The following MYO1D variants were observed in gnomAD, a reference collection of about 807,000 sequenced individuals.
MYO1D encodes the protein unconventional myosin-Id.
In MYO1D, 83 loss-of-function variants were observed where a neutral mutation model predicts 122.0. The observed-to-expected ratio is 0.68, with a 90% confidence interval of 0.57 to 0.82. MYO1D has a LOEUF of 0.82. Ranked by LOEUF, MYO1D falls within the 40% of genes least tolerant of loss-of-function variation. The pLI, the probability that MYO1D is intolerant of heterozygous loss-of-function variation, is 0.00. For synonymous variants in MYO1D, 464 were observed against 446.9 expected (o/e 1.04, Z -0.48); for missense variants, 1,157 against 1,269.5 (o/e 0.91, Z 1.35).
At chr17:32,687,428 A>C (rs1156539172) in intron 16 of MYO1D, among the ~76,000 whole-genome samples, 1 of 152,014 alleles carries the variant, frequency 6.6e-6, no homozygotes, top group Non-Finnish European at 1.5e-5. Context: ...CGATCTCCTG[A>C]CCTCATGATC....
intron 1 of MYO1D, among the ~76,000 whole-genome samples, chr17:32,798,543 C>T (rs1368176673): frequency 6.6e-6 from 1 of 152,182 alleles, no homozygotes; most frequent in Non-Finnish European, 1.5e-5. Context: ...CGTGGAACTT[C>T]TACGGTGCTA....
intron 8 of MYO1D, 135 bp downstream of exon 8, chr17:32,764,743 T>C (rs1210068650): frequency 3.2e-6 from 3 of 932,602 alleles, no homozygotes; most frequent in African/African-American, 1.6e-5. Context: ...GAGGCTTGTA[T>C]GGCCAGAAAG....
chr17:32,845,824 C>T (rs892572696), intron 1 of MYO1D, among the ~76,000 whole-genome samples: 2 of 152,126 alleles, frequency 1.3e-5, no homozygotes, highest in African/African-American at 4.8e-5. Flanking sequence ...ACTCCAAGGA[C>T]ATTTTCCACT....
chr17:32,516,993 A>G (rs1909915088), intron 21 of MYO1D, among the ~76,000 whole-genome samples: 1 of 152,076 alleles, frequency 6.6e-6, no homozygotes, highest in Non-Finnish European at 1.5e-5. Context: ...GCGTGGGTGC[A>G]TAGTGATTCC....
At chr17:32,782,554 T>G (rs2151030495) in intron 1 of MYO1D, among the ~76,000 whole-genome samples, 1 of 152,346 alleles carries the variant, frequency 6.6e-6, no homozygotes, top group East Asian at 1.9e-4. Flanking sequence ...TAAGGGAGAT[T>G]TTTAAATAAC....
chr17:32,876,209 C>T (rs563993548), intron 1 of MYO1D, among the ~76,000 whole-genome samples: 1 of 152,062 alleles, frequency 6.6e-6, no homozygotes, highest in East Asian at 1.9e-4. Context: ...GCCAGTGTCC[C>T]GGAACAGACA....
intron 13 of MYO1D, among the ~76,000 whole-genome samples, chr17:32,744,703 C>T (rs376727957): frequency 6.6e-6 from 1 of 152,260 alleles, no homozygotes; most frequent in East Asian, 1.9e-4. Flanking sequence ...TTATCATTTG[C>T]CTAGTTTTAT....
At chr17:32,720,980 T>C in intron 15 of MYO1D, 43 bp downstream of exon 15, 1 of 1,585,140 alleles carries the variant, frequency 6.3e-7, no homozygotes, top group Non-Finnish European at 8.6e-7. Flanking sequence ...GAGGACTCCC[T>C]TATTCTCAGT....
At chr17:32,783,704 C>T (rs1221233318) in intron 1 of MYO1D, among the ~76,000 whole-genome samples, 3 of 152,202 alleles carry the variant, frequency 2.0e-5, no homozygotes, top group Non-Finnish European at 2.9e-5. Context: ...AAAATCACCA[C>T]TAGGTGGTGC....
chr17:32,532,247 A>T (rs761377202), intron 21 of MYO1D, among the ~76,000 whole-genome samples: 2 of 152,202 alleles, frequency 1.3e-5, no homozygotes, highest in Non-Finnish European at 2.9e-5. Context: ...TTACCTTTCA[A>T]CCAGAAATGA....
intron 1 of MYO1D, among the ~76,000 whole-genome samples, chr17:32,851,837 G>A (rs1401692626): frequency 6.6e-6 from 1 of 152,234 alleles, no homozygotes; most frequent in Non-Finnish European, 1.5e-5. Flanking sequence ...GTGGAGCTCA[G>A]GCTGTAATGC....
At chr17:32,735,059 C>A (rs114364363) in intron 14 of MYO1D, among the ~76,000 whole-genome samples, 2,182 of 145,204 alleles carry the variant, frequency 0.015, 41 homozygotes, top group African/African-American at 0.05. Context: ...CCAACCTGGG[C>A]AACAAAGCAA....
intron 6 of MYO1D, among the ~76,000 whole-genome samples, chr17:32,768,917 T>A (rs1186769980): frequency 6.6e-6 from 1 of 152,212 alleles, no homozygotes; most frequent in Non-Finnish European, 1.5e-5. Context: ...GGGGAACTGT[T>A]GGCTGCTTAC....
At chr17:32,544,925 G>A (rs2086953238) in intron 21 of MYO1D, among the ~76,000 whole-genome samples, 1 of 152,084 alleles carries the variant, frequency 6.6e-6, no homozygotes, top group East Asian at 1.9e-4. Context: ...TTGATAAAAT[G>A]CATATTTTTA....
chr17:32,750,970 T>TA (rs2089892643), intron 11 of MYO1D, among the ~76,000 whole-genome samples: 1 of 152,160 alleles, frequency 6.6e-6, no homozygotes, highest in Non-Finnish European at 1.5e-5. Context: ...TAAAACCCCT[T>TA]AAGGAAAAGG....
chr17:32,527,487 C>T (rs1016951673), intron 21 of MYO1D, among the ~76,000 whole-genome samples: 9 of 152,250 alleles, frequency 5.9e-5, no homozygotes, highest in East Asian at 1.9e-4. Flanking sequence ...ACATTTCCTG[C>T]GCTTGTCAAA....
intron 20 of MYO1D, chr17:32,632,461 G>A (rs2088021318): frequency 6.6e-6 from 1 of 151,914 alleles, no homozygotes; most frequent in African/African-American, 2.4e-5. Context: ...GAGCGGAGTG[G>A]CGGCTGCCGT....
chr17:32,858,535 G>A (rs1010161173), intron 1 of MYO1D, among the ~76,000 whole-genome samples: 3 of 152,134 alleles, frequency 2.0e-5, no homozygotes, highest in Non-Finnish European at 4.4e-5. Flanking sequence ...TGTTTCCTCT[G>A]ATTAGATTCA....
chr17:32,746,057 G>A (rs1298126981), intron 12 of MYO1D, among the ~76,000 whole-genome samples: 2 of 152,158 alleles, frequency 1.3e-5, no homozygotes, highest in African/African-American at 2.4e-5. Flanking sequence ...TTCTGCTCTC[G>A]TGCCTGTTTT....
Sources: allele counts gnomAD v4.1 joint callset (sites outside exome capture counted in the v4.1 genomes callset), GRCh38; gene constraint gnomAD v4.1.1; transcripts MANE v1.5; gene names NCBI Gene and HGNC (gene_info 2026-07-23, HGNC 2026-07-21).